RIN3: variants seen among roughly 807,000 people sequenced by gnomAD.
The protein encoded by RIN3 is Ras and Rab interactor 3, also known as RAB5 interacting protein 3.
In RIN3, 54 loss-of-function variants were observed where a neutral mutation model predicts 76.3. That is an observed-to-expected ratio of 0.71 (90% CI 0.57 to 0.89). RIN3 has a LOEUF of 0.89. Among genes scored for constraint, RIN3 ranks in the 40% least tolerant of loss-of-function variants. The pLI is 0.00. For synonymous variants in RIN3, 576 were observed against 564.0 expected, an observed-to-expected ratio of 1.02 and a Z score of -0.30; for missense variants, 1,256 against 1,322.1, an observed-to-expected ratio of 0.95 and a Z score of 0.78.
intron 1 of RIN3, among the ~76,000 whole-genome samples, chr14:92,517,549 A>G (rs1181414387): frequency 1.3e-5 from 2 of 152,124 alleles, no homozygotes; most frequent in Non-Finnish European, 1.5e-5. Flanking sequence ...AGTAACCTTT[A>G]GAAGAGAGTG....
chr14:92,687,975 T>C lies in RIN3; in HGVS notation c.2681T>C (p.Leu894Pro), dbSNP rs1225740132. Reference sequence around the variant, plus strand: ...GAGCCCGAGCAGCAGGCGCGGACGCTGGCGTCGCGGGCGGACACCCAGGCC... The same window carrying C: ...GAGCCCGAGCAGCAGGCGCGGACGCCGGCGTCGCGGGCGGACACCCAGGCC... ...YLEPEQQART[L>P]ASRADTQAQA... The change falls in exon 10 of 10, where the codon CTG (leucine) becomes CCG (proline). Residue 894 changes from leucine to proline, a missense_variant. This residue lies in a region of RIN3 where 218 missense variants were observed against 174.5 expected (regional missense o/e 1.25). Transcript: ENST00000216487. 14 of 1,559,810 alleles carry C rather than the reference T, an allele frequency of 9.0e-6. No individual in the cohort carries two copies. Among genetic ancestry groups the C allele is most frequent in the Non-Finnish European group, 1.2e-5 (14 of 1,153,284 alleles).
chr14:92,672,255 T>A (rs1049242655), intron 7 of RIN3, among the ~76,000 whole-genome samples: 38 of 150,412 alleles, frequency 2.5e-4, no homozygotes, highest in Non-Finnish European at 4.7e-4. Flanking sequence ...AAAAAAAAAA[T>A]ACAAAAATTA....
At chr14:92,546,876 CAT>C (rs1188633309) in intron 1 of RIN3, among the ~76,000 whole-genome samples, 7 of 151,460 alleles carry the variant, frequency 4.6e-5, no homozygotes, top group Non-Finnish European at 1.0e-4. Context: ...GGCATGACCA[CAT>C]GTGTGGTTGC....
intron 8 of RIN3, among the ~76,000 whole-genome samples, chr14:92,679,240 C>T (rs557925632): frequency 6.6e-6 from 1 of 152,370 alleles, no homozygotes; most frequent in African/African-American, 2.4e-5. Flanking sequence ...CCCAGCCCAC[C>T]TCTGGCCCCA....
At chr14:92,638,839 A>C (rs141071147) in intron 4 of RIN3, among the ~76,000 whole-genome samples, 5 of 152,140 alleles carry the variant, frequency 3.3e-5, no homozygotes, top group African/African-American at 1.2e-4. Flanking sequence ...GGAGAAGCCC[A>C]AGGCCACTCC....
chr14:92,602,223 T>C (rs1248042001), intron 3 of RIN3, among the ~76,000 whole-genome samples: 1 of 152,180 alleles, frequency 6.6e-6, no homozygotes, highest in African/African-American at 2.4e-5. Flanking sequence ...TGTAATCAGC[T>C]GTAAAGTCAG....
intron 6 of RIN3, among the ~76,000 whole-genome samples, chr14:92,655,328 AC>A (rs1887627367): frequency 1.3e-5 from 2 of 152,258 alleles, no homozygotes; most frequent in African/African-American, 4.8e-5. Flanking sequence ...AGCCTGGGCA[AC>A]AGAGCGAGAC....
At chr14:92,516,629 C>G (rs74075416) in intron 1 of RIN3, among the ~76,000 whole-genome samples, 2 of 152,066 alleles carry the variant, frequency 1.3e-5, no homozygotes, top group Admixed American at 6.5e-5. Context: ...CCCCCCACCC[C>G]GAGAAGCCCC....
chr14:92,575,934 G>A lies in RIN3; in HGVS notation c.250-1426G>A, dbSNP rs547889250. ...AGATGGGGGTCACTCTGGTTCAGAC[G>A]GACACTCAGATATCCCAGTGTCCCT... is the stretch of plus-strand genomic sequence containing the variant. On this transcript the variant is annotated intron_variant, in intron 2 of 9. Coordinates refer to ENST00000216487, the MANE Select transcript of RIN3 (RefSeq NM_024832.5). Among the ~76,000 whole-genome samples the A allele has an allele frequency of 2.6e-5, 4 of 152,238 alleles. No individual in the cohort carries two copies. The South Asian group carries it at 6.2e-4, about 24-fold the overall frequency.
intron 7 of RIN3, among the ~76,000 whole-genome samples, chr14:92,669,597 G>C (rs959407530): frequency 1.3e-5 from 2 of 152,158 alleles, no homozygotes; most frequent in African/African-American, 4.8e-5. Context: ...ATCAGCCACT[G>C]GCTTTCAGTA....
chr14:92,516,668 T>G (rs1477747807), intron 1 of RIN3, among the ~76,000 whole-genome samples: 1 of 151,630 alleles, frequency 6.6e-6, no homozygotes, highest in Non-Finnish European at 1.5e-5. Flanking sequence ...CAGCTGGGAG[T>G]GCAAGGGGCT....
At chr14:92,559,734 G>A (rs1018294805) in intron 2 of RIN3, among the ~76,000 whole-genome samples, 8 of 152,228 alleles carry the variant, frequency 5.3e-5, no homozygotes, top group Admixed American at 1.3e-4. Context: ...GGTTGGGATG[G>A]GGGAGCTGAC....
intron 6 of RIN3, among the ~76,000 whole-genome samples, chr14:92,655,754 G>A (rs757031704): frequency 6.6e-6 from 1 of 152,240 alleles, no homozygotes; most frequent in Non-Finnish European, 1.5e-5. Flanking sequence ...CACAGGACTG[G>A]CTGGAGGCCA....
At chr14:92,667,799 TG>T (rs1888161656) in intron 7 of RIN3, among the ~76,000 whole-genome samples, 1 of 152,170 alleles carries the variant, frequency 6.6e-6, no homozygotes, top group Non-Finnish European at 1.5e-5. Context: ...ATGCTCCATA[TG>T]GTCATTCAGG....
chr14:92,545,582 C>CTTTTTTTTTTTTTT (rs11324822), intron 1 of RIN3, among the ~76,000 whole-genome samples: 3 of 114,710 alleles, frequency 2.6e-5, no homozygotes, highest in Admixed American at 9.8e-5. Context: ...TTTTCTTTTT[C>CTTTTTTTTTTTTTT]TTTTTTTTTT....
intron 4 of RIN3, among the ~76,000 whole-genome samples, chr14:92,616,783 T>C (rs1224782449): frequency 6.6e-6 from 1 of 152,166 alleles, no homozygotes; most frequent in African/African-American, 2.4e-5. Context: ...CGAGAGGAAA[T>C]GAAATTGGTT....
intron 5 of RIN3, 43 bp from the exon 6 acceptor site, chr14:92,651,539 C>G (rs1265695301): frequency 1.8e-6 from 2 of 1,102,396 alleles, no homozygotes; most frequent in African/African-American, 3.3e-5. Context: ...AACACCTAGT[C>G]CCTGGCACAG....
intron 4 of RIN3, among the ~76,000 whole-genome samples, chr14:92,634,068 CTTTT>C (rs6145445): frequency 7.4e-5 from 8 of 108,104 alleles, no homozygotes; most frequent in Non-Finnish European, 1.4e-4. Flanking sequence ...CTAAAAATCC[CTTTT>C]TTTTTTTTTT....
At position 92,615,482 on chromosome 14, in the gene RIN3, G is replaced by A. The variant is rs1210728094; in HGVS notation, c.440+3G>A. The stretch of plus-strand genomic sequence containing the variant: ...ATTGCGTTCTACTGTGTCAGTAGGT[G>A]AGTAGACCCGGCCCTGCAGGAGGTT... On this transcript the variant is annotated splice_donor_region_variant and intron_variant, in intron 4 of 9. Coordinates refer to ENST00000216487, the MANE Select transcript of RIN3 (RefSeq NM_024832.5). 1.2e-6 allele frequency: 2 copies of A among 1,611,788 alleles called. No homozygotes were observed. The highest frequency in any genetic ancestry group is 1.7e-6 in the Non-Finnish European group (2 of 1,177,858).
Sources: allele counts gnomAD v4.1 joint callset (sites outside exome capture counted in the v4.1 genomes callset), GRCh38; gene constraint gnomAD v4.1.1; regional missense constraint gnomAD v4.1.1; transcripts MANE v1.5; gene names NCBI Gene and HGNC (gene_info 2026-07-23, HGNC 2026-07-21).